Variants in GAPDHS observed in about 807,000 individuals in gnomAD.
GAPDHS encodes glyceraldehyde-3-phosphate dehydrogenase, spermatogenic.
GAPDHS carries 42 observed loss-of-function variants against 48.7 expected under a neutral mutation model. The ratio of observed to expected loss-of-function variants is 0.86; its 90% CI spans 0.67 to 1.12. The LOEUF is 1.12. Among genes scored for constraint, GAPDHS ranks in the 50% most tolerant of loss-of-function variants. The probability of loss-of-function intolerance (pLI) is 0.00; values close to 1 mark genes in which losing one functional copy is unlikely to be tolerated. For synonymous variants in GAPDHS, 166 were observed against 219.1 expected, an observed-to-expected ratio of 0.76 and a Z score of 2.14; for missense variants, 512 against 557.7, an observed-to-expected ratio of 0.92 and a Z score of 0.82.
rs759807063 is a variant in GAPDHS at position 35,543,799 on chromosome 19, C to G, written c.1028C>G (p.Ala343Gly). ...AAAGCAGCAGCCAAGGGGCCCATGG[C>G]TGGCATCCTTGCCTACACCGAGGAT... ...AVKAAAKGPMAGILAYTEDEV... is the reference protein window; with the variant it reads ...AVKAAAKGPMGGILAYTEDEV... The change falls in exon 9 of 11, where the codon GCT becomes GGT. Residue 343 changes from alanine (A) to glycine (G), a missense_variant. Coordinates refer to ENST00000222286, the MANE Select transcript of GAPDHS (RefSeq NM_014364.5). 31 of 1,613,118 alleles carry G rather than the reference C, an allele frequency of 1.9e-5. No homozygotes were observed. The highest frequency in any genetic ancestry group is 2.5e-5 in the Non-Finnish European group (29 of 1,179,742).
chr19:35,544,844 G>A, intron 9 of GAPDHS, 65 bp from the exon 10 acceptor site: 1 of 889,922 alleles, frequency 1.1e-6, no homozygotes, highest in South Asian at 1.3e-5. Context: ...TTAAGAGTCG[G>A]GGCCTCAGCT....
intron 1 of GAPDHS, among the ~76,000 whole-genome samples, chr19:35,536,293 AC>A (rs2071465562): frequency 6.6e-6 from 1 of 150,952 alleles, no homozygotes; most frequent in African/African-American, 2.4e-5. Flanking sequence ...GAAAGTACAT[AC>A]CCCGGCCAGG....
At chr19:35,538,514 G>C (rs2071480426) in intron 3 of GAPDHS, 63 bp from the exon 4 acceptor site, 3 of 1,278,174 alleles carry the variant, frequency 2.3e-6, no homozygotes, top group Non-Finnish European at 3.4e-6. Context: ...TCACCAAAGA[G>C]GGGACTCTCT....
rs959865094 is a variant in GAPDHS at position 35,538,565 on chromosome 19, C to T, written c.343-12C>T. ...GCCACCCCAAGACTAGGAGCCATTC[C>T]ATCCCCCACAGGTGTACATGTTTAA... is the stretch of plus-strand genomic sequence containing the variant. On this transcript the variant is annotated splice_polypyrimidine_tract_variant and intron_variant, in intron 3 of 10. Coordinates refer to ENST00000222286, the MANE Select transcript of GAPDHS (RefSeq NM_014364.5). 1.9e-6 allele frequency: 3 copies of T among 1,540,846 alleles called. No individual in the cohort carries two copies. The highest frequency in any genetic ancestry group is 2.7e-5 in the African/African-American group (2 of 73,630).
At chr19:35,537,786 G>A (rs893097416) in intron 2 of GAPDHS, among the ~76,000 whole-genome samples, 1 of 151,808 alleles carries the variant, frequency 6.6e-6, no homozygotes, top group Non-Finnish European at 1.5e-5. Context: ...TAAGAATAGG[G>A]GTTAGGAGCC....
chr19:35,543,791 G>C lies in GAPDHS; in HGVS notation c.1020G>C (p.Gly340=). 1 of 1,613,448 alleles carries C rather than the reference G, an allele frequency of 6.2e-7. No homozygotes were observed. Among genetic ancestry groups the C allele is most frequent in the Non-Finnish European group, 8.5e-7 (1 of 1,179,820 alleles). ...AGGCTGTAAAAGCAGCAGCCAAGGG[G>C]CCCATGGCTGGCATCCTTGCCTACA... The part of the protein sequence containing the change: ...IKEAVKAAAK[G]PMAGILAYTE... The change falls in exon 9 of 11, where the codon GGG becomes GGC. Residue 340 remains glycine (G), a synonymous_variant. Coordinates refer to ENST00000222286, the MANE Select transcript of GAPDHS (RefSeq NM_014364.5).
At chr19:35,537,483 A>C (rs903224330) in intron 2 of GAPDHS, among the ~76,000 whole-genome samples, 3 of 152,178 alleles carry the variant, frequency 2.0e-5, no homozygotes, top group Admixed American at 2.0e-4. Flanking sequence ...GAGGGAGGCC[A>C]GTGAGAAGCC....
chr19:35,544,187 CT>C, intron 9 of GAPDHS: 1 of 194,552 alleles, frequency 5.1e-6, no homozygotes. Context: ...TAGGGGCTGC[CT>C]TTTCACTTTT....
rs2071522350 is a variant in GAPDHS, at chr19:35,543,661, C to A, written c.894-4C>A. ...ACTCCTGTTCCTCATGGGGGATTCT[C>A]CAGGAAGCTGACAGGGATGGCGTTC... On this transcript the variant is annotated splice_region_variant and splice_polypyrimidine_tract_variant and intron_variant, in intron 8 of 10. Coordinates refer to ENST00000222286, the MANE Select transcript of GAPDHS (RefSeq NM_014364.5). 6.2e-7 allele frequency: 1 copy of A among 1,613,022 alleles called. No individual in the cohort carries two copies. The highest frequency in any genetic ancestry group is 1.1e-5 in the South Asian group (1 of 90,950).
At chr19:35,541,479 C>T (rs1262183064) in intron 4 of GAPDHS, 1 of 151,808 alleles carries the variant, frequency 6.6e-6, no homozygotes, top group East Asian at 1.9e-4. Context: ...ACCCCACAAA[C>T]ATTGATTGAA....
chr19:35,533,940 G>C (rs1048506792), intron 1 of GAPDHS, among the ~76,000 whole-genome samples: 3 of 152,198 alleles, frequency 2.0e-5, no homozygotes, highest in African/African-American at 7.2e-5. Flanking sequence ...GGGGTGCTGG[G>C]CTTCCATGTA....
At chr19:35,543,291 G>A (rs753595831) in intron 7 of GAPDHS, 49 bp from the exon 8 acceptor site, 7 of 1,594,142 alleles carry the variant, frequency 4.4e-6, no homozygotes, top group Non-Finnish European at 3.4e-6. Context: ...AAAGAGGCAT[G>A]GGAGCTTAGG....
At position 35,543,336 on chromosome 19, in the gene GAPDHS, C is replaced by G. The variant is rs781312417; in HGVS notation, c.742-4C>G. 1 of 1,610,522 alleles carries G rather than the reference C, an allele frequency of 6.2e-7. No individual in the cohort carries two copies. The highest frequency in any genetic ancestry group is 1.7e-5 in the Admixed American group (1 of 58,578). The stretch of plus-strand genomic sequence containing the variant: ...GCCTCATCTTGGTCCTTCTCTTCCC[C>G]AAGACCACAGTCCATTCCTACACGG... On this transcript the variant is annotated splice_polypyrimidine_tract_variant and splice_region_variant and intron_variant, in intron 7 of 10. Coordinates refer to ENST00000222286, the MANE Select transcript of GAPDHS (RefSeq NM_014364.5).
In GAPDHS at chr19:35,545,249, G is replaced by A. The variant is rs1052133552; in HGVS notation, c.*79G>A. 1.6e-6 allele frequency: 2 copies of A among 1,235,526 alleles called. No individual in the cohort carries two copies. Among genetic ancestry groups the A allele is most frequent in the Non-Finnish European group, 2.4e-6 (2 of 837,582 alleles). 76.5% of individuals were successfully genotyped at this position (1,235,526 alleles called of 1,614,324 possible). ...CCCGTTCCAGCATCTGGCTGCCCGG[G>A]GGAGGAAGGACACCCGGGGCGGGCG... On this transcript the variant is annotated 3_prime_UTR_variant, in exon 11 of 11. Coordinates refer to ENST00000222286, the MANE Select transcript of GAPDHS (RefSeq NM_014364.5).
At position 35,536,982 on chromosome 19, in the gene GAPDHS, C is replaced by A. The variant is rs2071470132; in HGVS notation, c.237C>A (p.Gly79=). 6.2e-7 allele frequency: 1 copy of A among 1,612,976 alleles called. No homozygotes were observed. The highest frequency in any genetic ancestry group is 1.7e-5 in the Admixed American group (1 of 59,964). Residue 79 remains glycine, a synonymous_variant, in exon 2 of 11, where the codon GGC becomes GGA. Transcript: ENST00000222286. The stretch of plus-strand genomic sequence containing the variant: ...CTGTGGCCCGGGAGCTGACTGTGGG[C>A]ATCAATGGGTGAGTCTACTCCAGCC... ...MVSVARELTV[G]INGFGRIGRL...
Position 35,542,589 on chromosome 19 carries a change from G to A in GAPDHS, c.640G>A (p.Gly214Ser). 1 of 1,611,072 alleles carries A rather than the reference G, an allele frequency of 6.2e-7. No homozygotes were observed. Among genetic ancestry groups the A allele is most frequent in the East Asian group, 2.2e-5 (1 of 44,864 alleles). Residue 214 changes from glycine (G) to serine (S), a missense_variant, in exon 6 of 11, where the codon GGC becomes AGC. Coordinates refer to ENST00000222286, the MANE Select transcript of GAPDHS (RefSeq NM_014364.5). The stretch of plus-strand genomic sequence containing the variant: ...TGTCAATGAAAATGACTATAACCCT[G>A]GCTCCATGAACATTGTGAGGTAATG... ...MGVNENDYNP[G>S]SMNIVSNASC...
intron 1 of GAPDHS, 82 bp downstream of exon 1, chr19:35,533,676 C>T: frequency 3.8e-6 from 4 of 1,063,532 alleles, no homozygotes; most frequent in South Asian, 2.8e-5. Context: ...GTGCCGTATC[C>T]CTACCGCCCT....
intron 1 of GAPDHS, among the ~76,000 whole-genome samples, chr19:35,535,063 G>T (rs975365264): frequency 2.0e-5 from 3 of 152,156 alleles, no homozygotes; most frequent in Admixed American, 6.5e-5. Flanking sequence ...CTAGGTGGGG[G>T]ATCAGCCCCA....
intron 4 of GAPDHS, among the ~76,000 whole-genome samples, chr19:35,539,131 A>G (rs181017790): frequency 6.6e-6 from 1 of 152,304 alleles, no homozygotes; most frequent in Non-Finnish European, 1.5e-5. Flanking sequence ...TCCTGGCCCC[A>G]AGCAATCCTC....
Sources: allele counts gnomAD v4.1 joint callset (sites outside exome capture counted in the v4.1 genomes callset), GRCh38; gene constraint gnomAD v4.1.1; transcripts MANE v1.5; gene names NCBI Gene and HGNC (gene_info 2026-07-23, HGNC 2026-07-21).